Variants in ZDHHC12 observed in about 807,000 individuals in gnomAD.
ZDHHC12 encodes the protein palmitoyltransferase ZDHHC12.
In ZDHHC12, 26 loss-of-function variants were observed where a neutral mutation model predicts 33.2. That is an observed-to-expected ratio of 0.78 (90% CI 0.57 to 1.09). ZDHHC12 has a LOEUF of 1.09. ZDHHC12 is among the 50% of genes least tolerant of loss of function. The pLI is 0.00. For missense variants in ZDHHC12, 350 were observed against 353.0 expected (o/e 0.99, Z 0.07); for synonymous variants, 154 against 152.1 (o/e 1.01, Z -0.09).
rs1473063874 is a variant in ZDHHC12, at chr9:128,722,542, G to A, written c.133C>T (p.Leu45Phe). Residue 45 changes from leucine to phenylalanine, a missense_variant, in exon 2 of 5, where the codon CTC becomes TTC. Physicochemically the swap from Leu to Phe is conservative, Grantham distance 22. Coordinates refer to ENST00000372663, the MANE Select transcript of ZDHHC12 (RefSeq NM_032799.5). The surrounding 1 kb of genome is among the most constrained non-coding windows in gnomAD (Gnocchi z 4.2). ...AGGAGCAGGAAGGTGAGGGGCAGGA[G>A]CAGCTCCCCCTGCTCCTCCCATTGC... ...LRQWEEQGELLLPLTFLLLVL... is the reference protein window; with the variant it reads ...LRQWEEQGELFLPLTFLLLVL... 6.3e-7 allele frequency: 1 copy of A among 1,592,150 alleles called. No homozygotes were observed. The highest frequency in any genetic ancestry group is 1.1e-5 in the South Asian group (1 of 87,526).
chr9:128,721,906 GC>G lies in ZDHHC12; in HGVS notation c.316-90del. 6.2e-7 allele frequency: 1 copy of G among 1,602,284 alleles called. No individual in the cohort carries two copies. The highest frequency in any genetic ancestry group is 8.5e-7 in the Non-Finnish European group (1 of 1,172,704). ...AGGAATCAGGGCCTGATTCTGGAAG[GC>G]CTTCTTGGAGGAGGGGCGAGGCCCA... On this transcript the variant is annotated intron_variant, in intron 3 of 4. Coordinates refer to ENST00000372663, the MANE Select transcript of ZDHHC12 (RefSeq NM_032799.5). The surrounding 1 kb of genome is among the most constrained non-coding windows in gnomAD (Gnocchi z 6.9).
In ZDHHC12 at chr9:128,721,905, G is replaced by T; in HGVS notation, c.316-88C>A. 1 of 1,602,258 alleles carries T rather than the reference G, an allele frequency of 6.2e-7. No individual in the cohort carries two copies. Among genetic ancestry groups the T allele is most frequent in the Admixed American group, 1.7e-5 (1 of 59,482 alleles). ...AAGGAATCAGGGCCTGATTCTGGAA[G>T]GCCTTCTTGGAGGAGGGGCGAGGCC... On this transcript the variant is annotated intron_variant, in intron 3 of 4. Transcript: ENST00000372663. The surrounding 1 kb of genome is among the most constrained non-coding windows in gnomAD (Gnocchi z 6.9).
At position 128,722,525 on chromosome 9, in the gene ZDHHC12, G is replaced by C; in HGVS notation, c.150C>G (p.Phe50Leu). The change falls in exon 2 of 5, where the codon TTC (phenylalanine) becomes TTG (leucine). Residue 50 changes from phenylalanine to leucine, a missense_variant. Transcript: ENST00000372663. The surrounding 1 kb of genome is among the most constrained non-coding windows in gnomAD (Gnocchi z 4.2). ...EQGELLLPLT[F>L]LLLVLGSLLL... Reference sequence around the variant, plus strand: ...GCAGGGAGCCCAGCACCAGGAGCAGGAAGGTGAGGGGCAGGAGCAGCTCCC... The same window carrying C: ...GCAGGGAGCCCAGCACCAGGAGCAGCAAGGTGAGGGGCAGGAGCAGCTCCC... 6.3e-7 allele frequency: 1 copy of C among 1,589,424 alleles called. No individual in the cohort carries two copies. Among genetic ancestry groups the C allele is most frequent in the Non-Finnish European group, 8.6e-7 (1 of 1,167,638 alleles).
At position 128,721,426 on chromosome 9, in the gene ZDHHC12, G is replaced by A; in HGVS notation, c.559C>T (p.Leu187=). 2 of 1,583,800 alleles carry A rather than the reference G, an allele frequency of 1.3e-6. No individual in the cohort carries two copies. The highest frequency in any genetic ancestry group is 1.9e-5 in the Admixed American group (1 of 53,388). The change falls in exon 5 of 5, where the codon CTG becomes TTG. Residue 187 remains leucine (L), a synonymous_variant. Transcript: ENST00000372663. The surrounding 1 kb of genome is among the most constrained non-coding windows in gnomAD (Gnocchi z 6.9). ...CTGGCCACCAACGAGAAGAGGGACA[G>A]CAGCAGGAAGGTGGCGAACAGGAGC... ...SGLLFATFLL[L]SLFSLVASLL...
chr9:128,721,605 G>T lies in ZDHHC12; in HGVS notation c.482+46C>A. 1 of 1,599,858 alleles carries T rather than the reference G, an allele frequency of 6.3e-7. No individual in the cohort carries two copies. Among genetic ancestry groups the T allele is most frequent in the Non-Finnish European group, 8.5e-7 (1 of 1,171,560 alleles). ...GTCCTGGCTCTGTCCACCCCTGTGG[G>T]AGCATTCATCCCACCCTCCCTCTAC... On this transcript the variant is annotated intron_variant, in intron 4 of 4. Coordinates refer to ENST00000372663, the MANE Select transcript of ZDHHC12 (RefSeq NM_032799.5). This position sits in a 1 kb window ranked among gnomAD's most constrained non-coding sequence, Gnocchi z 6.9.
At position 128,723,753 on chromosome 9, in the gene ZDHHC12, G is replaced by T; in HGVS notation, c.100+241C>A. Reference sequence around the variant, plus strand: ...TCTGGTGGGCACCGGCTGGGTCCTGGGATGGACAGGGCATTTGGCAATGAT... The same window carrying T: ...TCTGGTGGGCACCGGCTGGGTCCTGTGATGGACAGGGCATTTGGCAATGAT... On this transcript the variant is annotated intron_variant, in intron 1 of 4. Transcript: ENST00000372663. The surrounding 1 kb of genome is among the most constrained non-coding windows in gnomAD (Gnocchi z 4.4). 1 of 622,760 alleles carries T rather than the reference G, an allele frequency of 1.6e-6. No homozygotes were observed. The highest frequency in any genetic ancestry group is 2.7e-6 in the Non-Finnish European group (1 of 374,586). The allele number at this position is 622,760 out of a possible 1,614,324, so 38.6% of individuals were successfully genotyped here.
chr9:128,722,215 G>GT lies in ZDHHC12; in HGVS notation c.238-130dup, dbSNP rs2132350991. 8.0e-7 allele frequency: 1 copy of GT among 1,246,692 alleles called. No individual in the cohort carries two copies. Among genetic ancestry groups the GT allele is most frequent in the Non-Finnish European group, 1.1e-6 (1 of 876,364 alleles). 77.2% of individuals were successfully genotyped at this position (1,246,692 alleles called of 1,614,324 possible). A position where few individuals can be genotyped will look rare whatever the true frequency, so the allele number is the denominator to read the frequency against. ...GACCCATCCCATGCAGAATGGAGGT[G>GT]TGGGGTATGGCGGAGCACCCTGGAC... On this transcript the variant is annotated intron_variant, in intron 2 of 4. Coordinates refer to ENST00000372663, the MANE Select transcript of ZDHHC12 (RefSeq NM_032799.5). This position sits in a 1 kb window ranked among gnomAD's most constrained non-coding sequence, Gnocchi z 4.2.
Position 128,722,612 on chromosome 9 carries a change from T to C in ZDHHC12, c.101-38A>G. The C allele has an allele frequency of 6.3e-7, 1 of 1,579,108 alleles. No homozygotes were observed. Among genetic ancestry groups the C allele is most frequent in the Non-Finnish European group, 8.6e-7 (1 of 1,162,234 alleles). ...GAGAGCACAGTGAGGCTGGGCCGGGTAGAACAGGAGTGGGTGGGGTTGGGG... is the reference window on the plus strand; with the variant it reads ...GAGAGCACAGTGAGGCTGGGCCGGGCAGAACAGGAGTGGGTGGGGTTGGGG... On this transcript the variant is annotated intron_variant, in intron 1 of 4. Coordinates refer to ENST00000372663, the MANE Select transcript of ZDHHC12 (RefSeq NM_032799.5). This position sits in a 1 kb window ranked among gnomAD's most constrained non-coding sequence, Gnocchi z 4.2.
rs1192053587 is a variant in ZDHHC12 at position 128,721,659 on chromosome 9, G to A, written c.474C>T (p.Tyr158=). 2 of 1,613,746 alleles carry A rather than the reference G, an allele frequency of 1.2e-6. No individual in the cohort carries two copies. The highest frequency in any genetic ancestry group is 2.2e-5 in the East Asian group (1 of 44,874). The part of the protein sequence containing the change: ...LQLVVLLWGL[Y]LAWSGLRFFQ... ...CGGGCAGCAGCACCCACCATGCCAG[G>A]TACAGGCCCCACAGAAGCACCACCA... The change falls in exon 4 of 5, where the codon TAC becomes TAT. Residue 158 remains tyrosine, a synonymous_variant. Coordinates refer to ENST00000372663, the MANE Select transcript of ZDHHC12 (RefSeq NM_032799.5). This position sits in a 1 kb window ranked among gnomAD's most constrained non-coding sequence, Gnocchi z 6.9.
chr9:128,720,899 A>T lies in ZDHHC12; in HGVS notation c.*282T>A. On this transcript the variant is annotated 3_prime_UTR_variant, in exon 5 of 5. Coordinates refer to ENST00000372663, the MANE Select transcript of ZDHHC12 (RefSeq NM_032799.5). This position sits in a 1 kb window ranked among gnomAD's most constrained non-coding sequence, Gnocchi z 5.5. ...CTTTTTAAGACTGGACTTGCTTTATATTAAATTTGTAAAAGTGTGCACTGG... is the reference window on the plus strand; with the variant it reads ...CTTTTTAAGACTGGACTTGCTTTATTTTAAATTTGTAAAAGTGTGCACTGG... The T allele has an allele frequency of 3.5e-6, 2 of 575,674 alleles. No homozygotes were observed. Among genetic ancestry groups the T allele is most frequent in the Non-Finnish European group, 6.1e-6 (2 of 326,804 alleles). 35.7% of individuals were successfully genotyped at this position (575,674 alleles called of 1,614,324 possible).
Position 128,721,533 on chromosome 9 carries a change from G to A in ZDHHC12, c.483-31C>T, listed in dbSNP as rs765168974. On this transcript the variant is annotated intron_variant, in intron 4 of 4. Transcript: ENST00000372663. The surrounding 1 kb of genome is among the most constrained non-coding windows in gnomAD (Gnocchi z 6.9). Reference sequence around the variant, plus strand: ...GTGCAGGGGACAGGGGCCTGGTGCTGGGGGAGGGCAGGGGAGCCCTTCCCT... The same window carrying A: ...GTGCAGGGGACAGGGGCCTGGTGCTAGGGGAGGGCAGGGGAGCCCTTCCCT... 11 of 1,594,804 alleles carry A rather than the reference G, an allele frequency of 6.9e-6. No individual in the cohort carries two copies. The highest frequency in any genetic ancestry group is 4.5e-5 in the South Asian group (4 of 89,512).
chr9:128,724,064 C>A lies in ZDHHC12; in HGVS notation c.30G>T (p.Gly10=). 2.5e-6 allele frequency: 4 copies of A among 1,605,096 alleles called. No homozygotes were observed. The highest frequency in any genetic ancestry group is 3.4e-6 in the Non-Finnish European group (4 of 1,174,532). Residue 10 remains glycine, a synonymous_variant, in exon 1 of 5, where the codon GGG becomes GGT. Transcript: ENST00000372663. ...CGGTGTGCCCGGTCCGCACCAGGAC[C>A]CCAGGGCTGAGGAGCGCCCAGGGCG... is the stretch of plus-strand genomic sequence containing the variant. MAPWALLSP[G]VLVRTGHTVL...
Position 128,723,968 on chromosome 9 carries a change from C to CCGGGGTCGCT in ZDHHC12, c.100+16_100+25dup. On this transcript the variant is annotated intron_variant, in intron 1 of 4. Transcript: ENST00000372663. This position sits in a 1 kb window ranked among gnomAD's most constrained non-coding sequence, Gnocchi z 4.4. ...GGGAAGTACGCGGGATCGGGTGGGT[C>CCGGGGTCGCT]CGGGGTCGCTCGGGGTCCGGCTCAC... 6.2e-7 allele frequency: 1 copy of CCGGGGTCGCT among 1,604,086 alleles called. No individual in the cohort carries two copies. The highest frequency in any genetic ancestry group is 8.5e-7 in the Non-Finnish European group (1 of 1,175,378).
rs747854320 is a variant in ZDHHC12, at chr9:128,721,727, C to G, written c.406G>C (p.Glu136Gln). Reference protein sequence around the residue: ...HCPWMENCVGERNHPLFVVYL... With the variant: ...HCPWMENCVGQRNHPLFVVYL... Reference sequence around the variant, plus strand: ...ACCACAAAGAGTGGGTGGTTGCGCTCTCCCACACAGTTCTCCATCCAGGGG... The same window carrying G: ...ACCACAAAGAGTGGGTGGTTGCGCTGTCCCACACAGTTCTCCATCCAGGGG... The change falls in exon 4 of 5, where the codon GAG becomes CAG. Residue 136 changes from glutamate to glutamine, a missense_variant. Physicochemically the swap from Glu to Gln is conservative, Grantham distance 29 (BLOSUM62 2). Transcript: ENST00000372663. This position sits in a 1 kb window ranked among gnomAD's most constrained non-coding sequence, Gnocchi z 6.9. The G allele has an allele frequency of 1.2e-6, 2 of 1,613,796 alleles. No individual in the cohort carries two copies. Among genetic ancestry groups the G allele is most frequent in the Admixed American group, 1.7e-5 (1 of 60,000 alleles).
rs563883264 is a variant in ZDHHC12 at position 128,722,034 on chromosome 9, C to T, written c.290G>A (p.Arg97Gln). Residue 97 changes from arginine (R) to glutamine (Q), a missense_variant, in exon 3 of 5, where the codon CGG becomes CAG. Coordinates refer to ENST00000372663, the MANE Select transcript of ZDHHC12 (RefSeq NM_032799.5). This position sits in a 1 kb window ranked among gnomAD's most constrained non-coding sequence, Gnocchi z 4.2. Reference protein sequence around the residue: ...TAMVPPAIPLRRCRYCLVLQP... With the variant: ...TAMVPPAIPLQRCRYCLVLQP... ...CAGCACCAGGCAGTATCTGCAGCGC[C>T]GAAGAGGGATGGCTGGAGGAACCAT... The T allele has an allele frequency of 1.1e-5, 18 of 1,613,976 alleles. No individual in the cohort carries two copies. Among genetic ancestry groups the T allele is most frequent in the Admixed American group, 8.3e-5 (5 of 60,006 alleles).
rs752723276 is a variant in ZDHHC12, at chr9:128,721,689, C to T, written c.444G>A (p.Leu148=). The part of the protein sequence containing the change: ...NHPLFVVYLA[L]QLVVLLWGLY... ...GGCCCCACAGAAGCACCACCAGCTG[C>T]AGCGCCAGGTAGACCACAAAGAGTG... is the stretch of plus-strand genomic sequence containing the variant. Residue 148 remains leucine (L), a synonymous_variant, in exon 4 of 5, where the codon CTG becomes CTA. Coordinates refer to ENST00000372663, the MANE Select transcript of ZDHHC12 (RefSeq NM_032799.5). This position sits in a 1 kb window ranked among gnomAD's most constrained non-coding sequence, Gnocchi z 6.9. 5 of 1,613,956 alleles carry T rather than the reference C, an allele frequency of 3.1e-6. No individual in the cohort carries two copies. The highest frequency in any genetic ancestry group is 3.4e-6 in the Non-Finnish European group (4 of 1,179,984).
rs1412834438 is a variant in ZDHHC12, at chr9:128,721,602, T to C, written c.482+49A>G. On this transcript the variant is annotated intron_variant, in intron 4 of 4. Transcript: ENST00000372663. The surrounding 1 kb of genome is among the most constrained non-coding windows in gnomAD (Gnocchi z 6.9). ...GGAGTCCTGGCTCTGTCCACCCCTG[T>C]GGGAGCATTCATCCCACCCTCCCTC... The C allele has an allele frequency of 1.9e-6, 3 of 1,601,494 alleles. No individual in the cohort carries two copies. Among genetic ancestry groups the C allele is most frequent in the Non-Finnish European group, 2.6e-6 (3 of 1,172,412 alleles).
rs1862609426 is a variant in ZDHHC12, at chr9:128,722,795, C to T, written c.101-221G>A. 1 of 1,379,662 alleles carries T rather than the reference C, an allele frequency of 7.2e-7. No individual in the cohort carries two copies. The highest frequency in any genetic ancestry group is 9.5e-7 in the Non-Finnish European group (1 of 1,057,348). The allele number at this position is 1,379,662 out of a possible 1,614,324, so 85.5% of individuals were successfully genotyped here. ...ATAGAGCCAGATCTGTTTTGGAAAA[C>T]CTCATTGCTAAAGAAATGGATCAGG... On this transcript the variant is annotated intron_variant, in intron 1 of 4. Coordinates refer to ENST00000372663, the MANE Select transcript of ZDHHC12 (RefSeq NM_032799.5). The surrounding 1 kb of genome is among the most constrained non-coding windows in gnomAD (Gnocchi z 4.2).
rs1323950963 is a variant in ZDHHC12, at chr9:128,721,721, T to C, written c.412A>G (p.Asn138Asp). The change falls in exon 4 of 5, where the codon AAC becomes GAC. Residue 138 changes from asparagine (N) to aspartate (D), a missense_variant. By Grantham distance (23) the Asn-to-Asp change is conservative. Coordinates refer to ENST00000372663, the MANE Select transcript of ZDHHC12 (RefSeq NM_032799.5). This position sits in a 1 kb window ranked among gnomAD's most constrained non-coding sequence, Gnocchi z 6.9. The part of the protein sequence containing the change: ...PWMENCVGER[N>D]HPLFVVYLAL... ...AGGTAGACCACAAAGAGTGGGTGGT[T>C]GCGCTCTCCCACACAGTTCTCCATC... 6 of 1,613,748 alleles carry C rather than the reference T, an allele frequency of 3.7e-6. No individual in the cohort carries two copies. Among genetic ancestry groups the C allele is most frequent in the Non-Finnish European group, 5.1e-6 (6 of 1,179,988 alleles).
Sources: allele counts gnomAD v4.1 joint callset, GRCh38; gene constraint gnomAD v4.1.1; non-coding constraint Gnocchi (gnomAD v3.1); transcripts MANE v1.5; gene names NCBI Gene and HGNC (gene_info 2026-07-23, HGNC 2026-07-21).